Variants in GNAL observed in about 807,000 individuals in gnomAD.
The protein encoded by GNAL is G protein subunit alpha L.
A neutral mutation model predicts 55.1 loss-of-function variants in GNAL; 18 were observed. The ratio of observed to expected loss-of-function variants is 0.33; its 90% CI spans 0.23 to 0.48. The LOEUF is 0.48. Among genes scored for constraint, GNAL ranks in the 20% least tolerant of loss-of-function variants. GNAL has a pLI of 0.99. For synonymous variants in GNAL, 253 were observed against 237.0 expected, an observed-to-expected ratio of 1.07 and a Z score of -0.62; for missense variants, 412 against 614.1, an observed-to-expected ratio of 0.67 and a Z score of 3.48.
At chr18:11,819,371 A>G (rs2035037018) in intron 4 of GNAL, among the ~76,000 whole-genome samples, 1 of 152,240 alleles carries the variant, frequency 6.6e-6, no homozygotes, top group African/African-American at 2.4e-5. Context: ...GAGTCATTAC[A>G]TACTTTAATT....
At position 11,751,765 on chromosome 18, in the gene GNAL, G is replaced by C. The variant is rs531550231; in HGVS notation, c.377-1088G>C. The C allele has an allele frequency of 3.3e-6, 2 of 604,822 alleles. No homozygotes were observed. The highest frequency in any genetic ancestry group is 1.4e-4 in the East Asian group (1 of 7,094). The allele number at this position is 604,822 out of a possible 1,614,324, so 37.5% of individuals were successfully genotyped here. ...GTCAGCTCCCTGACCCCTACAGCGCGGTAGCGCCTCTCCGAGAGCTCCGGG... is the reference window on the plus strand; with the variant it reads ...GTCAGCTCCCTGACCCCTACAGCGCCGTAGCGCCTCTCCGAGAGCTCCGGG... On this transcript the variant is annotated intron_variant, in intron 1 of 11. Transcript: ENST00000334049. The surrounding 1 kb of genome is among the most constrained non-coding windows in gnomAD (Gnocchi z 4.5).
chr18:11,864,554 C>T lies in GNAL; in HGVS notation c.799C>T (p.Leu267=), dbSNP rs369786701. ...CCAGGACCTCCTCAGATGCAGAGTT[C>T]TGACATCTGGGATTTTTGAGACACG... is the stretch of plus-strand genomic sequence containing the variant. ...TDQDLLRCRV[L]TSGIFETRFQ... The change falls in exon 7 of 12, where the codon CTG becomes TTG. Residue 267 remains leucine (L), a synonymous_variant. Coordinates refer to ENST00000334049, the MANE Select transcript of GNAL (RefSeq NM_182978.4). 1 of 1,580,306 alleles carries T rather than the reference C, an allele frequency of 6.3e-7. No homozygotes were observed. Among genetic ancestry groups the T allele is most frequent in the Non-Finnish European group, 8.7e-7 (1 of 1,149,262 alleles).
At chr18:11,756,091 G>A (rs892520707) in intron 4 of GNAL, among the ~76,000 whole-genome samples, 46 of 152,072 alleles carry the variant, frequency 3.0e-4, no homozygotes, top group Admixed American at 2.5e-3. Context: ...TTTATTAATC[G>A]GTCCCATGTC....
chr18:11,814,276 A>G (rs567200056), intron 4 of GNAL, among the ~76,000 whole-genome samples: 4 of 152,274 alleles, frequency 2.6e-5, no homozygotes, highest in South Asian at 4.2e-4. Flanking sequence ...TGGAATCCCA[A>G]CACTTTGGGA....
chr18:11,811,038 G>A (rs2143568358), intron 4 of GNAL, among the ~76,000 whole-genome samples: 1 of 152,224 alleles, frequency 6.6e-6, no homozygotes, highest in East Asian at 1.9e-4. Flanking sequence ...CCACATGCAG[G>A]TGTTCTGTAG....
chr18:11,724,485 G>T (rs8083040), intron 1 of GNAL, among the ~76,000 whole-genome samples: 1,974 of 152,248 alleles, frequency 0.013, 38 homozygotes, highest in African/African-American at 0.045. Context: ...TCTCTTATTG[G>T]GGGTGCTTGC....
At chr18:11,831,206 G>A (rs531164238) in intron 5 of GNAL, among the ~76,000 whole-genome samples, 3 of 152,280 alleles carry the variant, frequency 2.0e-5, no homozygotes, top group African/African-American at 7.2e-5. Context: ...ATCCAGGGCA[G>A]GAAAGGCAAT....
In GNAL at chr18:11,768,995, TA is replaced by T. The variant is rs2033522702; in HGVS notation, c.624+15052del. On this transcript the variant is annotated intron_variant, in intron 4 of 11. Transcript: ENST00000334049. ...TATATATATTATATATTCTATATTA[TA>T]ATATAGAATATATATATTCTATATT... Among the ~76,000 whole-genome samples, 2 of 106,800 alleles carry T rather than the reference TA, an allele frequency of 1.9e-5. 1 individual carries two copies. Among genetic ancestry groups the T allele is most frequent in the African/African-American group, 1.1e-4 (2 of 19,024 alleles). The allele number at this position is 106,800 out of a possible 152,430, so 70.1% of individuals were successfully genotyped here. A position where few individuals can be genotyped will look rare whatever the true frequency, so the allele number is the denominator to read the frequency against.
At chr18:11,805,344 A>G (rs1052949565) in intron 4 of GNAL, among the ~76,000 whole-genome samples, 5 of 151,706 alleles carry the variant, frequency 3.3e-5, no homozygotes, top group Non-Finnish European at 5.9e-5. Context: ...TACACGTGCA[A>G]TTTGGATGGA....
chr18:11,802,772 C>T (rs1018845349), intron 4 of GNAL, among the ~76,000 whole-genome samples: 6 of 152,216 alleles, frequency 3.9e-5, no homozygotes, highest in African/African-American at 1.4e-4. Context: ...AAGAATAAAG[C>T]GGGGTAGGGA....
chr18:11,789,874 T>G (rs1253455171), intron 4 of GNAL, among the ~76,000 whole-genome samples: 1 of 152,228 alleles, frequency 6.6e-6, no homozygotes, highest in Non-Finnish European at 1.5e-5. Flanking sequence ...AGCTTCTAGC[T>G]CATTGATGCT....
chr18:11,799,240 T>C (rs2034462001), intron 4 of GNAL, among the ~76,000 whole-genome samples: 1 of 152,122 alleles, frequency 6.6e-6, no homozygotes, highest in African/African-American at 2.4e-5. Context: ...AGTCTGTCCC[T>C]CTGAGGCTGC....
chr18:11,847,354 A>C (rs1247334663), intron 5 of GNAL, among the ~76,000 whole-genome samples: 5 of 151,998 alleles, frequency 3.3e-5, no homozygotes, highest in Non-Finnish European at 7.4e-5. Context: ...ATCCAGAAAT[A>C]GTTTAACTCA....
chr18:11,695,803 T>A (rs1304268008), intron 1 of GNAL, among the ~76,000 whole-genome samples: 5 of 152,230 alleles, frequency 3.3e-5, no homozygotes, highest in Non-Finnish European at 7.3e-5. Flanking sequence ...AAGCAATCTC[T>A]TTGGGACATT....
chr18:11,693,835 A>C (rs1440699237), intron 1 of GNAL, among the ~76,000 whole-genome samples: 1 of 146,424 alleles, frequency 6.8e-6, no homozygotes, highest in Non-Finnish European at 1.5e-5. Context: ...TGGGCAACAT[A>C]GTAAGACTAT....
chr18:11,759,622 C>G (rs2033173027), intron 4 of GNAL, among the ~76,000 whole-genome samples: 1 of 152,234 alleles, frequency 6.6e-6, no homozygotes, highest in Non-Finnish European at 1.5e-5. Context: ...TGGGCCAAGG[C>G]CCCGAGAGCC....
At chr18:11,852,147 C>A in intron 5 of GNAL, 2 of 1,530,678 alleles carry the variant, frequency 1.3e-6, no homozygotes, top group Non-Finnish European at 1.8e-6. Context: ...TGGCCATAGC[C>A]ACCCTTTGAA....
At chr18:11,719,837 C>A (rs185752983) in intron 1 of GNAL, among the ~76,000 whole-genome samples, 1 of 152,208 alleles carries the variant, frequency 6.6e-6, no homozygotes, top group African/African-American at 2.4e-5. Context: ...TGCAGAGCTG[C>A]GCTCGCACCA....
intron 4 of GNAL, among the ~76,000 whole-genome samples, chr18:11,759,603 A>G (rs1438929899): frequency 1.3e-5 from 2 of 152,258 alleles, no homozygotes; most frequent in African/African-American, 4.8e-5. Context: ...AAAGGAGGCC[A>G]CAGTGGCCTG....
Sources: allele counts gnomAD v4.1 joint callset (sites outside exome capture counted in the v4.1 genomes callset), GRCh38; gene constraint gnomAD v4.1.1; non-coding constraint Gnocchi (gnomAD v3.1); transcripts MANE v1.5; gene names NCBI Gene and HGNC (gene_info 2026-07-23, HGNC 2026-07-21).